Variants in OR52N2 observed in about 807,000 individuals in gnomAD.
The protein encoded by OR52N2 is olfactory receptor 52N2.
For missense variants in OR52N2, 326 were observed against 196.6 expected (o/e 1.66, Z -3.94); for synonymous variants, 129 against 72.0 (o/e 1.79, Z -4.01).
At chr11:5,809,593 C>T (rs35898746) in intron 1 of OR52N2, among the ~76,000 whole-genome samples, 68,181 of 150,790 alleles carry the variant, frequency 0.45, 16,930 homozygotes, top group Non-Finnish European at 0.56. Flanking sequence ...AGGAAGTTAG[C>T]GGCTAAATCT....
At chr11:5,819,064 C>A (rs928825976) in intron 1 of OR52N2, among the ~76,000 whole-genome samples, 6 of 152,196 alleles carry the variant, frequency 3.9e-5, no homozygotes, top group African/African-American at 1.4e-4. Context: ...TCACAGAACT[C>A]TAAGCCTTGT....
At chr11:5,817,288 T>C (rs1010656518) in intron 1 of OR52N2, among the ~76,000 whole-genome samples, 2 of 152,024 alleles carry the variant, frequency 1.3e-5, no homozygotes, top group African/African-American at 4.8e-5. Flanking sequence ...TTTTGTGGGG[T>C]TTTTTAGTAA....
At chr11:5,815,606 G>A (rs1846397761) in intron 1 of OR52N2, among the ~76,000 whole-genome samples, 1 of 152,122 alleles carries the variant, frequency 6.6e-6, no homozygotes, top group Non-Finnish European at 1.5e-5. Context: ...AGAGAAATTG[G>A]ACACTTGTGC....
intron 1 of OR52N2, 58 bp from the exon 2 acceptor site, chr11:5,820,224 A>C (rs1044067750): frequency 3.0e-6 from 2 of 675,872 alleles, no homozygotes; most frequent in African/African-American, 3.6e-5. Flanking sequence ...CTTGAGGTTC[A>C]CTTTGTCCAA....
At chr11:5,819,936 G>A (rs1490854417) in intron 1 of OR52N2, among the ~76,000 whole-genome samples, 1 of 152,166 alleles carries the variant, frequency 6.6e-6, no homozygotes, top group East Asian at 1.9e-4. Context: ...AATTAGAATG[G>A]GAAGATTCTG....
Position 5,820,705 on chromosome 11 carries a change from C to G in OR52N2, c.370C>G (p.Arg124Gly). 1.3e-6 allele frequency: 1 copy of G among 792,150 alleles called. No homozygotes were observed. Among genetic ancestry groups the G allele is most frequent in the Non-Finnish European group, 2.3e-6 (1 of 429,094 alleles). 49.1% of individuals were successfully genotyped at this position (792,150 alleles called of 1,614,324 possible). A position where few individuals can be genotyped will look rare whatever the true frequency, so the allele number is the denominator to read the frequency against. ...GGTGCTCATGCTCATGGCCCTGGAC[C>G]GCTATGTGGCCATCTGCTACCCCTT... is the stretch of plus-strand genomic sequence containing the variant. The part of the protein sequence containing the change: ...SGVLMLMALD[R>G]YVAICYPLRY... Residue 124 changes from arginine to glycine, a missense_variant, in exon 2 of 2, where the codon CGC (arginine) becomes GGC (glycine). Physicochemically the swap from Arg to Gly is moderately radical, Grantham distance 125. Coordinates refer to ENST00000317037, the MANE Select transcript of OR52N2 (RefSeq NM_001005174.3).
chr11:5,817,966 A>C (rs1016367774), intron 1 of OR52N2, among the ~76,000 whole-genome samples: 2 of 152,210 alleles, frequency 1.3e-5, no homozygotes, highest in Admixed American at 6.5e-5. Context: ...ATACAATGTC[A>C]TGATGAAATG....
chr11:5,821,442 A>G lies in OR52N2; in HGVS notation c.*141A>G, dbSNP rs1846454340. ...ACTTGCACGTGTACCTAAAATAAAA[A>G]TAGAAATAAAAAATCAAAATAAAGA... On this transcript the variant is annotated 3_prime_UTR_variant, in exon 2 of 2. Coordinates refer to ENST00000317037, the MANE Select transcript of OR52N2 (RefSeq NM_001005174.3). 1.4e-5 allele frequency: 8 copies of G among 561,116 alleles called. No homozygotes were observed. The South Asian group carries it at 2.0e-4, about 14-fold the overall frequency. The allele number at this position is 561,116 out of a possible 1,614,324, so 34.8% of individuals were successfully genotyped here. A position where few individuals can be genotyped will look rare whatever the true frequency, so the allele number is the denominator to read the frequency against.
intron 1 of OR52N2, among the ~76,000 whole-genome samples, chr11:5,814,619 C>A (rs764803870): frequency 6.6e-6 from 1 of 151,958 alleles, no homozygotes; most frequent in Non-Finnish European, 1.5e-5. Context: ...AAGGGGTGGA[C>A]GATAGTATTG....
intron 1 of OR52N2, among the ~76,000 whole-genome samples, chr11:5,813,972 T>C (rs1372472789): frequency 6.6e-6 from 1 of 152,186 alleles, no homozygotes; most frequent in Non-Finnish European, 1.5e-5. Context: ...TTCAACCTCC[T>C]TTCATGATGA....
At chr11:5,809,999 T>C (rs1425098544) in intron 1 of OR52N2, among the ~76,000 whole-genome samples, 1 of 152,226 alleles carries the variant, frequency 6.6e-6, no homozygotes, top group African/African-American at 2.4e-5. Context: ...TCTACACTTA[T>C]TACTTCAAGT....
chr11:5,819,350 T>C (rs975007001), intron 1 of OR52N2, among the ~76,000 whole-genome samples: 1 of 152,232 alleles, frequency 6.6e-6, no homozygotes, highest in Non-Finnish European at 1.5e-5. Context: ...TATTTTTTAA[T>C]TGACTTCCTT....
In OR52N2 at chr11:5,821,044, C is replaced by T; in HGVS notation, c.709C>T (p.His237Tyr). 1 of 780,958 alleles carries T rather than the reference C, an allele frequency of 1.3e-6. No individual in the cohort carries two copies. Among genetic ancestry groups the T allele is most frequent in the Non-Finnish European group, 2.4e-6 (1 of 418,056 alleles). The allele number at this position is 780,958 out of a possible 1,614,324, so 48.4% of individuals were successfully genotyped here. A position where few individuals can be genotyped will look rare whatever the true frequency, so the allele number is the denominator to read the frequency against. Residue 237 changes from histidine to tyrosine, a missense_variant, in exon 2 of 2, where the codon CAC becomes TAC. Physicochemically the swap from His to Tyr is moderately conservative, Grantham distance 83. Coordinates refer to ENST00000317037, the MANE Select transcript of OR52N2 (RefSeq NM_001005174.3). ...GAGCCTGTCATCAGCAGATGCTCGT[C>T]ACAAAGCCTTCAGCACCTGCACATC... The part of the protein sequence containing the change: ...VMSLSSADAR[H>Y]KAFSTCTSHM...
rs934983256 is a variant in OR52N2 at position 5,820,814 on chromosome 11, C to A, written c.479C>A (p.Pro160Gln). The A allele has an allele frequency of 2.6e-6, 2 of 777,180 alleles. No individual in the cohort carries two copies. The highest frequency in any genetic ancestry group is 4.8e-6 in the Non-Finnish European group (2 of 416,410). 48.1% of individuals were successfully genotyped at this position (777,180 alleles called of 1,614,324 possible). A position where few individuals can be genotyped will look rare whatever the true frequency, so the allele number is the denominator to read the frequency against. The change falls in exon 2 of 2, where the codon CCA (proline) becomes CAA (glutamine). Residue 160 changes from proline to glutamine, a missense_variant. By Grantham distance (76) the Pro-to-Gln change is moderately conservative (BLOSUM62 -1). Transcript: ENST00000317037. The part of the protein sequence containing the change: ...TFLRNVMLII[P>Q]FTLLTKRLPY... The stretch of plus-strand genomic sequence containing the variant: ...TTGAGGAATGTGATGCTCATCATCC[C>A]ATTCACTCTCCTCACCAAGCGCCTG...
At chr11:5,815,067 A>G (rs1460460174) in intron 1 of OR52N2, among the ~76,000 whole-genome samples, 1 of 152,204 alleles carries the variant, frequency 6.6e-6, no homozygotes, top group Non-Finnish European at 1.5e-5. Context: ...TCCAAATATT[A>G]ACTCAAAATG....
At chr11:5,815,883 TATGTGTGTATATAC>T (rs1269890148) in intron 1 of OR52N2, among the ~76,000 whole-genome samples, 2 of 85,306 alleles carry the variant, frequency 2.3e-5, no homozygotes, top group African/African-American at 4.6e-5. Context: ...TATGTATGTG[TATGTGTGTATATAC>T]ATGTGTGTAT....
In OR52N2 at chr11:5,811,447, T is replaced by A. The variant is rs190008981; in HGVS notation, c.-55+2393T>A. On this transcript the variant is annotated intron_variant, in intron 1 of 1. Transcript: ENST00000317037. ...AGAAACATAAAATATCAGGGAGAGT[T>A]GAGTAGAAGTATGGAACTTCTTTAT... Among the ~76,000 whole-genome samples, 7 of 152,212 alleles carry A rather than the reference T, an allele frequency of 4.6e-5. No homozygotes were observed. In the East Asian group the frequency reaches 1.4e-3, roughly 29 times the overall value.
At chr11:5,811,836 T>G (rs1179414964) in intron 1 of OR52N2, among the ~76,000 whole-genome samples, 3 of 152,182 alleles carry the variant, frequency 2.0e-5, no homozygotes, top group Non-Finnish European at 4.4e-5. Context: ...TCACTTCACC[T>G]CTAAAGACAC....
At chr11:5,811,690 C>G (rs1399688066) in intron 1 of OR52N2, among the ~76,000 whole-genome samples, 1 of 152,014 alleles carries the variant, frequency 6.6e-6, no homozygotes, top group Admixed American at 6.5e-5. Flanking sequence ...AAGAAAACAA[C>G]AAAATGGCTG....
Sources: allele counts gnomAD v4.1 joint callset (sites outside exome capture counted in the v4.1 genomes callset), GRCh38; gene constraint gnomAD v4.1.1; transcripts MANE v1.5; gene names NCBI Gene and HGNC (gene_info 2026-07-23, HGNC 2026-07-21).